The following NCSTN variants were observed in gnomAD, a reference collection of about 807,000 sequenced individuals.
NCSTN encodes the protein nicastrin, also known as anterior pharynx-defective 2.
Under a neutral mutation model 87.0 loss-of-function variants are expected in NCSTN, and 22 were observed. The observed-to-expected ratio is 0.25, with a 90% CI of 0.18 to 0.36. The LOEUF is 0.36. Ranked by LOEUF, NCSTN falls within the 10% of genes least tolerant of loss-of-function variation. The pLI is 1.00. For missense variants in NCSTN, 693 were observed against 883.3 expected (o/e 0.78, Z 2.73); for synonymous variants, 306 against 327.1 (o/e 0.94, Z 0.69).
intron 10 of NCSTN, 103 bp from the exon 11 acceptor site, chr1:160,354,015 C>T: frequency 7.9e-7 from 1 of 1,265,282 alleles, no homozygotes; most frequent in Non-Finnish European, 1.1e-6. Flanking sequence ...AGGGTAGCTC[C>T]CCAAGCAGGG....
intron 10 of NCSTN, 86 bp downstream of exon 10, chr1:160,353,323 G>A: frequency 6.2e-7 from 1 of 1,603,168 alleles, no homozygotes; most frequent in South Asian, 1.1e-5. Context: ...CAACCCCCAG[G>A]GCCTGTGAGA....
chr1:160,356,565 C>CA lies in NCSTN; in HGVS notation c.1640-34dup, dbSNP rs746628799. On this transcript the variant is annotated intron_variant, in intron 14 of 16. Coordinates refer to ENST00000294785, the MANE Select transcript of NCSTN (RefSeq NM_015331.3). ...TTTCCTATTTCACCCACCATCCACC[C>CA]ACCAAATCTTCCCTTCCCTTTGGTC... is the stretch of plus-strand genomic sequence containing the variant. The CA allele has an allele frequency of 6.8e-6, 11 of 1,613,568 alleles. No individual in the cohort carries two copies. In the Admixed American group the frequency reaches 1.0e-4, roughly 15 times the overall value.
intron 2 of NCSTN, among the ~76,000 whole-genome samples, chr1:160,346,595 G>A (rs1048059918): frequency 4.0e-5 from 6 of 150,608 alleles, no homozygotes; most frequent in African/African-American, 1.5e-4. Context: ...TAAAGTTTTT[G>A]TTGTACTTAG....
Position 160,349,570 on chromosome 1 carries a change from AGG to A in NCSTN, c.338_339del (p.Gly113GlufsTer24), listed in dbSNP as rs1395982737. On this transcript the variant is annotated frameshift_variant, in exon 4 of 17. Transcript: ENST00000294785. LOFTEE classifies it high-confidence loss of function. ...CCAGGGATTTAATGGAGAAGCTGAA[AGG>A]GAGAACCAGCCGAATTGCTGGTCTT... ...FTRDLMEKLK[G>X]RTSRIAGLAV... is the part of the protein sequence containing the mutation. 6.2e-7 allele frequency: 1 copy of A among 1,614,016 alleles called. No homozygotes were observed. Among genetic ancestry groups the A allele is most frequent in the African/African-American group, 1.3e-5 (1 of 74,906 alleles).
rs199697157 is a variant in NCSTN at position 160,350,166 on chromosome 1, G to A, written c.498G>A (p.Ser166=). 92 of 1,613,866 alleles carry A rather than the reference G, an allele frequency of 5.7e-5. No individual in the cohort carries two copies. In the Admixed American group the frequency reaches 6.2e-4, roughly 11 times the overall value. ...FAHCREIQWN[S]LGNGLAYEDF... is the part of the protein sequence containing the mutation. ...ACTGCAGAGAAATACAGTGGAATTC[G>A]CTGGGCAATGGTTTGGCTTATGAAG... The change falls in exon 5 of 17, where the codon TCG becomes TCA. Residue 166 remains serine (S), a synonymous_variant. Coordinates refer to ENST00000294785, the MANE Select transcript of NCSTN (RefSeq NM_015331.3).
Position 160,358,417 on chromosome 1 carries a change from G to C in NCSTN, c.*146G>C. ...CATAAAAGAGTGGAACTATCCAAAA[G>C]AGACAGGGAGAAATAAATAAATTGC... On this transcript the variant is annotated 3_prime_UTR_variant, in exon 17 of 17. Transcript: ENST00000294785. 9.5e-7 allele frequency: 1 copy of C among 1,055,006 alleles called. No individual in the cohort carries two copies. The highest frequency in any genetic ancestry group is 1.4e-6 in the Non-Finnish European group (1 of 702,810). 65.4% of individuals were successfully genotyped at this position (1,055,006 alleles called of 1,614,324 possible). A position where few individuals can be genotyped will look rare whatever the true frequency, so the allele number is the denominator to read the frequency against.
rs1165278330 is a variant in NCSTN, at chr1:160,355,955, A to G, written c.1548A>G (p.Gln516=). The change falls in exon 13 of 17, where the codon CAA becomes CAG. Residue 516 remains glutamine (Q), a synonymous_variant. Coordinates refer to ENST00000294785, the MANE Select transcript of NCSTN (RefSeq NM_015331.3). ...GCGACACAGTTCAGGCTGATCCCCA[A>G]ACGGTAAGCAGATGGGCCCTAGCTC... ...NFSDTVQADP[Q]TVTRLLYGFL... 5 of 1,611,784 alleles carry G rather than the reference A, an allele frequency of 3.1e-6. No homozygotes were observed. The highest frequency in any genetic ancestry group is 4.2e-6 in the Non-Finnish European group (5 of 1,178,122).
rs1286216540 is a variant in NCSTN at position 160,355,868 on chromosome 1, G to A, written c.1461G>A (p.Leu487=). 1 of 1,614,110 alleles carries A rather than the reference G, an allele frequency of 6.2e-7. No individual in the cohort carries two copies. The highest frequency in any genetic ancestry group is 2.2e-5 in the East Asian group (1 of 44,890). The part of the protein sequence containing the change: ...LNFVTDTAKA[L]ADVATVLGRA... Reference sequence around the variant, plus strand: ...CCCCTCCTCACCTACCACAGGCCCTGGCAGATGTGGCCACGGTGCTGGGAC... The same window carrying A: ...CCCCTCCTCACCTACCACAGGCCCTAGCAGATGTGGCCACGGTGCTGGGAC... The change falls in exon 13 of 17, where the codon CTG becomes CTA. Residue 487 remains leucine, a synonymous_variant. Transcript: ENST00000294785.
intron 2 of NCSTN, among the ~76,000 whole-genome samples, chr1:160,347,610 T>TGG (rs1175179517): frequency 5.9e-5 from 9 of 151,674 alleles, no homozygotes; most frequent in African/African-American, 1.7e-4. Flanking sequence ...GTTGAAGTTT[T>TGG]GGGGTGTGTG....
rs182923424 is a variant in NCSTN, at chr1:160,356,570, A to T, written c.1640-30A>T. On this transcript the variant is annotated intron_variant, in intron 14 of 16. Transcript: ENST00000294785. ...TATTTCACCCACCATCCACCCACCA[A>T]ATCTTCCCTTCCCTTTGGTCTGCAC... The T allele has an allele frequency of 3.7e-5, 60 of 1,613,728 alleles. No homozygotes were observed. The East Asian group carries it at 6.9e-4, about 19-fold the overall frequency.
rs565393836 is a variant in NCSTN, at chr1:160,356,910, G to A, written c.1795-131G>A. ...GTGTTGAAAAGCCTGGGTGAAAATG[G>A]ACCATCTGAAGGGTAAAGGGACAGC... On this transcript the variant is annotated intron_variant, in intron 15 of 16. Coordinates refer to ENST00000294785, the MANE Select transcript of NCSTN (RefSeq NM_015331.3). 1.2e-5 allele frequency: 16 copies of A among 1,370,714 alleles called. No homozygotes were observed. In the South Asian group the frequency reaches 1.8e-4, roughly 15 times the overall value. The allele number at this position is 1,370,714 out of a possible 1,614,324, so 84.9% of individuals were successfully genotyped here. A position where few individuals can be genotyped will look rare whatever the true frequency, so the allele number is the denominator to read the frequency against.
Position 160,357,270 on chromosome 1 carries a change from G to T in NCSTN, c.2007+17G>T, listed in dbSNP as rs751299783. The T allele has an allele frequency of 6.3e-7, 1 of 1,598,920 alleles. No homozygotes were observed. The highest frequency in any genetic ancestry group is 1.8e-4 in the Middle Eastern group (1 of 5,494). On this transcript the variant is annotated intron_variant, in intron 16 of 16. Coordinates refer to ENST00000294785, the MANE Select transcript of NCSTN (RefSeq NM_015331.3). Reference sequence around the variant, plus strand: ...GAGCTTGAGGTGAGATGGGGCAGGGGCATAGGTGGCAGGGATCTGTTTGAC... The same window carrying T: ...GAGCTTGAGGTGAGATGGGGCAGGGTCATAGGTGGCAGGGATCTGTTTGAC...
At chr1:160,346,269 A>G (rs546557126) in intron 2 of NCSTN, among the ~76,000 whole-genome samples, 7 of 152,290 alleles carry the variant, frequency 4.6e-5, no homozygotes, top group African/African-American at 1.2e-4. Context: ...CAAATTGATC[A>G]CCTCTGAATT....
chr1:160,348,860 C>T (rs942154707), intron 2 of NCSTN, 139 bp from the exon 3 acceptor site: 1 of 1,210,156 alleles, frequency 8.3e-7, no homozygotes, highest in Non-Finnish European at 1.2e-6. Flanking sequence ...AACAGCTTTT[C>T]AGTTCAAATC....
At chr1:160,343,702 A>G (rs1648256084) in intron 1 of NCSTN, 2 of 707,400 alleles carry the variant, frequency 2.8e-6, no homozygotes, top group Non-Finnish European at 5.3e-6. Context: ...TCCCTTCTCT[A>G]GGCCTCTTCC....
chr1:160,352,286 A>T, intron 8 of NCSTN, 80 bp downstream of exon 8: 1 of 1,569,562 alleles, frequency 6.4e-7, no homozygotes, highest in East Asian at 2.2e-5. Flanking sequence ...GTTGGAGAAG[A>T]CCTCAGCACT....
chr1:160,343,919 A>T, intron 1 of NCSTN: 1 of 327,470 alleles, frequency 3.1e-6, no homozygotes. Flanking sequence ...TCTGTTGATT[A>T]CATCCTAAGT....
chr1:160,358,395 A>G lies in NCSTN; in HGVS notation c.*124A>G. The G allele has an allele frequency of 7.8e-7, 1 of 1,284,520 alleles. No individual in the cohort carries two copies. The highest frequency in any genetic ancestry group is 1.2e-5 in the South Asian group (1 of 82,404). 79.6% of individuals were successfully genotyped at this position (1,284,520 alleles called of 1,614,324 possible). A position where few individuals can be genotyped will look rare whatever the true frequency, so the allele number is the denominator to read the frequency against. On this transcript the variant is annotated 3_prime_UTR_variant, in exon 17 of 17. Transcript: ENST00000294785. ...GCCTGTCTCAGATTGGGATTAACAT[A>G]AAAGAGTGGAACTATCCAAAAGAGA...
chr1:160,357,305 T>G, intron 16 of NCSTN, 52 bp downstream of exon 16: 1 of 1,503,494 alleles, frequency 6.7e-7, no homozygotes, highest in South Asian at 1.2e-5. Context: ...CTTCTTTCTC[T>G]GCTTTCTTGT....
Sources: allele counts gnomAD v4.1 joint callset (sites outside exome capture counted in the v4.1 genomes callset), GRCh38; gene constraint gnomAD v4.1.1; transcripts MANE v1.5; gene names NCBI Gene and HGNC (gene_info 2026-07-23, HGNC 2026-07-21).